CDH13: variants seen among roughly 807,000 people sequenced by gnomAD.
CDH13 encodes cadherin 13.
CDH13 carries 24 observed loss-of-function variants against 63.8 expected under a neutral mutation model. The ratio of observed to expected loss-of-function variants is 0.38; its 90% confidence interval spans 0.27 to 0.53. The LOEUF is 0.53. CDH13 is among the 20% of genes least tolerant of loss of function. The pLI is 0.85. For missense variants in CDH13, 1,049 were observed against 903.1 expected (o/e 1.16, Z -2.07); for synonymous variants, 503 against 355.3 (o/e 1.42, Z -4.67).
At chr16:83,782,322 A>G (rs1283199158) in intron 12 of CDH13, among the ~76,000 whole-genome samples, 2 of 152,182 alleles carry the variant, frequency 1.3e-5, no homozygotes, top group Non-Finnish European at 2.9e-5. Context: ...GGCCTGGGTG[A>G]TGGTGGCTAT....
intron 2 of CDH13, among the ~76,000 whole-genome samples, chr16:82,995,588 A>C (rs535467122): frequency 1.3e-5 from 2 of 152,284 alleles, no homozygotes; most frequent in South Asian, 4.2e-4. Flanking sequence ...CTCTTAAATA[A>C]GGGAGAAAAA....
intron 4 of CDH13, among the ~76,000 whole-genome samples, chr16:83,147,777 T>A (rs186801444): frequency 1.3e-5 from 2 of 152,252 alleles, no homozygotes; most frequent in Non-Finnish European, 2.9e-5. Flanking sequence ...TTCTTCCCAC[T>A]GGTCTCTGGG....
At chr16:83,492,815 A>T (rs540935459) in intron 7 of CDH13, among the ~76,000 whole-genome samples, 10 of 152,284 alleles carry the variant, frequency 6.6e-5, no homozygotes, top group East Asian at 1.9e-4. Context: ...TCCACTCTGG[A>T]TAAATTCTAG....
chr16:82,854,415 A>AAG (rs2039610602), intron 1 of CDH13, among the ~76,000 whole-genome samples: 1 of 151,624 alleles, frequency 6.6e-6, no homozygotes, highest in Non-Finnish European at 1.5e-5. Context: ...AAAAAAAAAA[A>AAG]AACAGTAAAA....
At chr16:83,692,975 C>A (rs1905055178) in intron 10 of CDH13, among the ~76,000 whole-genome samples, 1 of 152,162 alleles carries the variant, frequency 6.6e-6, no homozygotes, top group African/African-American at 2.4e-5. Flanking sequence ...CCCAGCTACT[C>A]AGGAGGCTGA....
intron 8 of CDH13, among the ~76,000 whole-genome samples, chr16:83,628,752 G>A (rs945678377): frequency 6.6e-6 from 1 of 152,164 alleles, no homozygotes; most frequent in Non-Finnish European, 1.5e-5. Context: ...TGGCCAGCCA[G>A]CTCTCCTGGT....
At chr16:83,254,672 G>C (rs1181018963) in intron 5 of CDH13, among the ~76,000 whole-genome samples, 1 of 152,116 alleles carries the variant, frequency 6.6e-6, no homozygotes, top group Non-Finnish European at 1.5e-5. Flanking sequence ...GATTGATGTG[G>C]GGTATAAATA....
At chr16:82,988,761 C>CAAAAAA (rs34153442) in intron 2 of CDH13, among the ~76,000 whole-genome samples, 1 of 99,168 alleles carries the variant, frequency 1.0e-5, no homozygotes, top group African/African-American at 3.8e-5. Context: ...AACTCCAACT[C>CAAAAAA]AAAAAAAAAA....
chr16:82,732,779 C>T (rs2033470550), intron 1 of CDH13, among the ~76,000 whole-genome samples: 1 of 152,166 alleles, frequency 6.6e-6, no homozygotes, highest in Non-Finnish European at 1.5e-5. Flanking sequence ...TTCAGGAACA[C>T]TGAGGATCTG....
chr16:82,790,877 C>T (rs190049689), intron 1 of CDH13, among the ~76,000 whole-genome samples: 5 of 152,294 alleles, frequency 3.3e-5, no homozygotes, highest in African/African-American at 9.6e-5. Context: ...TCCACCTGGT[C>T]TCTCCCTTGA....
intron 2 of CDH13, among the ~76,000 whole-genome samples, chr16:82,862,947 A>G (rs77777653): frequency 0.033 from 5,025 of 152,276 alleles, 266 homozygotes; most frequent in African/African-American, 0.11. Flanking sequence ...GGAATAAGAA[A>G]GACTATGAGG....
At chr16:83,161,270 C>G (rs1271862986) in intron 4 of CDH13, among the ~76,000 whole-genome samples, 8 of 152,150 alleles carry the variant, frequency 5.3e-5, no homozygotes, top group African/African-American at 1.9e-4. Flanking sequence ...AGAATCATGT[C>G]TGTAATCCTA....
In CDH13 at chr16:83,621,345, T is replaced by G. The variant is rs149454203; in HGVS notation, c.1101+18751T>G. On this transcript the variant is annotated intron_variant, in intron 8 of 13. Transcript: ENST00000567109. ...GCTATTCCTCGGGGAATACCTATCCTGTTTTTCTTGTTACACTTGTGCACC... is the reference window on the plus strand; with the variant it reads ...GCTATTCCTCGGGGAATACCTATCCGGTTTTTCTTGTTACACTTGTGCACC... Among the ~76,000 whole-genome samples, 38 of 152,280 alleles carry G rather than the reference T, an allele frequency of 2.5e-4. 1 individual carries two copies. The highest frequency in any genetic ancestry group is 7.9e-4 in the African/African-American group (33 of 41,554).
rs187918964 is a variant in CDH13, at chr16:83,180,746, C to T, written c.484-36599C>T. 307 of 688,012 alleles carry T rather than the reference C, an allele frequency of 4.5e-4. No homozygotes were observed. In the African/African-American group the frequency reaches 4.5e-3, roughly 10 times the overall value. 42.6% of individuals were successfully genotyped at this position (688,012 alleles called of 1,614,324 possible). ...AATTTTAATTCTAGAAAAACGGTCA[C>T]TCTAGGTAATGTTCTTTAAGACAAA... On this transcript the variant is annotated intron_variant, in intron 4 of 13. Transcript: ENST00000567109.
intron 6 of CDH13, among the ~76,000 whole-genome samples, chr16:83,407,703 C>T (rs944606340): frequency 6.6e-6 from 1 of 152,074 alleles, no homozygotes; most frequent in Non-Finnish European, 1.5e-5. Flanking sequence ...ATTTAATTCC[C>T]AGGAGGCATT....
At chr16:82,885,162 C>A (rs1161247964) in intron 2 of CDH13, among the ~76,000 whole-genome samples, 1 of 152,150 alleles carries the variant, frequency 6.6e-6, no homozygotes, top group East Asian at 1.9e-4. Flanking sequence ...ATGCATAATG[C>A]ATGATAGTAT....
At chr16:82,976,895 A>G (rs780274707) in intron 2 of CDH13, among the ~76,000 whole-genome samples, 8 of 152,142 alleles carry the variant, frequency 5.3e-5, no homozygotes, top group Non-Finnish European at 8.8e-5. Flanking sequence ...GGATGATGAC[A>G]TCTTCTCCAG....
intron 4 of CDH13, among the ~76,000 whole-genome samples, chr16:83,200,452 C>T (rs895735968): frequency 6.6e-6 from 1 of 152,182 alleles, no homozygotes; most frequent in African/African-American, 2.4e-5. Context: ...GGGCTGTGCT[C>T]ATCTTACACA....
intron 2 of CDH13, among the ~76,000 whole-genome samples, chr16:83,000,114 G>T (rs1414285398): frequency 2.6e-5 from 4 of 151,564 alleles, no homozygotes; most frequent in Non-Finnish European, 5.9e-5. Flanking sequence ...AGGATGTTGC[G>T]GAGCGTTTGG....
Sources: allele counts gnomAD v4.1 joint callset (sites outside exome capture counted in the v4.1 genomes callset), GRCh38; gene constraint gnomAD v4.1.1; transcripts MANE v1.5; gene names NCBI Gene and HGNC (gene_info 2026-07-23, HGNC 2026-07-21).